LRRC37A2: variants seen among roughly 807,000 people sequenced by gnomAD.
The protein encoded by LRRC37A2 is leucine rich repeat containing 37 member A2, also known as leucine-rich repeat-containing protein 37A2.
LRRC37A2 carries 9 observed loss-of-function variants against 68.8 expected under a neutral mutation model. The ratio of observed to expected loss-of-function variants is 0.13; its 90% CI spans 0.08 to 0.23. LRRC37A2 has a LOEUF of 0.23. Ranked by LOEUF, LRRC37A2 falls within the 10% of genes least tolerant of loss-of-function variation. The probability of loss-of-function intolerance (pLI) is 1.00; values close to 1 mark genes in which losing one functional copy is unlikely to be tolerated. For missense variants in LRRC37A2, 168 were observed against 950.4 expected, an observed-to-expected ratio of 0.18 and a Z score of 10.82; for synonymous variants, 63 against 367.6, an observed-to-expected ratio of 0.17 and a Z score of 9.48.
the LRRC37A2 span, chr17:46,773,638 C>A: frequency 2.9e-6 from 2 of 679,580 alleles, no homozygotes; most frequent in Non-Finnish European, 4.5e-6. Context: ...CCACCCAGCC[C>A]CTCCCCCCCC....
the LRRC37A2 span, among the ~76,000 whole-genome samples, chr17:46,784,263 C>T: frequency 6.6e-6 from 1 of 152,110 alleles, no homozygotes; most frequent in African/African-American, 2.4e-5. Context: ...GAGATGGTGT[C>T]CACCAAGATG....
the LRRC37A2 span, among the ~76,000 whole-genome samples, chr17:46,720,631 T>C: frequency 6.6e-6 from 1 of 152,220 alleles, no homozygotes; most frequent in African/African-American, 2.4e-5. Flanking sequence ...TTTACGTTTT[T>C]ATATGCTACC....
At chr17:46,512,888 C>T in exon 2 of LRRC37A2, 1 of 803,170 alleles carries the variant, frequency 1.2e-6, no homozygotes, top group Non-Finnish European at 1.9e-6. Flanking sequence ...CCGCCTGACT[C>T]CTGGTCTTCC....
At chr17:46,832,988 T>G in the LRRC37A2 span, 1 of 208,174 alleles carries the variant, frequency 4.8e-6, no homozygotes, top group Non-Finnish European at 9.8e-6. Flanking sequence ...ACGGATGCCA[T>G]GGTGGGAACA....
At chr17:46,918,259 T>C in the LRRC37A2 span, among the ~76,000 whole-genome samples, 1 of 152,188 alleles carries the variant, frequency 6.6e-6, no homozygotes, top group Non-Finnish European at 1.5e-5. Flanking sequence ...TTTGTATTTT[T>C]AGTAGAGAAG....
At chr17:46,776,824 C>T in the LRRC37A2 span, among the ~76,000 whole-genome samples, 2 of 152,172 alleles carry the variant, frequency 1.3e-5, no homozygotes, top group Non-Finnish European at 2.9e-5. Context: ...ACCACTGGAG[C>T]GGAGAGCTGA....
chr17:46,845,860 C>T, the LRRC37A2 span, among the ~76,000 whole-genome samples: 2 of 142,574 alleles, frequency 1.4e-5, no homozygotes, highest in Admixed American at 1.5e-4. Context: ...GTGTGGTCTC[C>T]TTTCACTGCA....
the LRRC37A2 span, among the ~76,000 whole-genome samples, chr17:46,816,119 A>ACACACACACACATGCACG: frequency 6.6e-6 from 1 of 150,552 alleles, no homozygotes; most frequent in East Asian, 2.0e-4. Context: ...ACGTACACAC[A>ACACACACACACATGCACG]CACACACACA....
At chr17:46,800,828 G>A in the LRRC37A2 span, among the ~76,000 whole-genome samples, 34 of 152,278 alleles carry the variant, frequency 2.2e-4, no homozygotes, top group African/African-American at 7.9e-4. Flanking sequence ...GTGCTCAGAA[G>A]GGCCTTTGCT....
At chr17:46,497,860 C>G in the LRRC37A2 span, among the ~76,000 whole-genome samples, 5 of 149,044 alleles carry the variant, frequency 3.4e-5, no homozygotes, top group Admixed American at 6.6e-5. Context: ...ATCCCTCTTA[C>G]ATGTGATAGT....
chr17:46,903,400 C>T, the LRRC37A2 span, among the ~76,000 whole-genome samples: 1 of 152,148 alleles, frequency 6.6e-6, no homozygotes, highest in African/African-American at 2.4e-5. Context: ...CTGGCAGGCA[C>T]TTGGAGGGAG....
chr17:46,849,191 A>G, the LRRC37A2 span, among the ~76,000 whole-genome samples: 2 of 152,282 alleles, frequency 1.3e-5, no homozygotes, highest in Admixed American at 6.5e-5. Flanking sequence ...ATCCATCTAA[A>G]TATTTTCCTC....
At chr17:46,553,099 G>A (rs1207282492) in intron 11 of LRRC37A2, 1 of 356,686 alleles carries the variant, frequency 2.8e-6, no homozygotes, top group Non-Finnish European at 3.7e-6. Flanking sequence ...AGTAAATAAA[G>A]TATAGGGGGG....
At chr17:46,793,213 G>T in the LRRC37A2 span, among the ~76,000 whole-genome samples, 2 of 141,222 alleles carry the variant, frequency 1.4e-5, no homozygotes, top group Non-Finnish European at 3.0e-5. Flanking sequence ...GGTCAAGGCT[G>T]CAGTGAGCCA....
At chr17:46,721,756 G>T in the LRRC37A2 span, 2 of 1,602,792 alleles carry the variant, frequency 1.2e-6, no homozygotes, top group East Asian at 2.2e-5. Context: ...CCACAATTTC[G>T]CTTGGGAAGA....
the LRRC37A2 span, among the ~76,000 whole-genome samples, chr17:46,497,908 C>CA: frequency 2.0e-5 from 3 of 150,210 alleles, no homozygotes; most frequent in Non-Finnish European, 4.4e-5. Flanking sequence ...CCCTAATTAT[C>CA]AGTTGACTCA....
the LRRC37A2 span, among the ~76,000 whole-genome samples, chr17:47,014,039 G>C: frequency 6.6e-6 from 1 of 152,064 alleles, no homozygotes; most frequent in Admixed American, 6.6e-5. Flanking sequence ...GTTGCAGTGA[G>C]CCCAGATCAT....
the LRRC37A2 span, among the ~76,000 whole-genome samples, chr17:46,675,628 C>T: frequency 7.4e-6 from 1 of 135,432 alleles, no homozygotes; most frequent in Non-Finnish European, 1.5e-5. Flanking sequence ...AGAGATTTAT[C>T]ATAAGGAAAA....
the LRRC37A2 span, chr17:46,768,320 C>T: frequency 6.2e-7 from 1 of 1,613,576 alleles, no homozygotes; most frequent in South Asian, 1.1e-5. The surrounding 1 kb of genome is among the most constrained non-coding windows in gnomAD (Gnocchi z 5.0). Flanking sequence ...ACCTGGTGCC[C>T]TACTTGCAGG....
Sources: allele counts gnomAD v4.1 joint callset (sites outside exome capture counted in the v4.1 genomes callset), GRCh38; gene constraint gnomAD v4.1.1; non-coding constraint Gnocchi (gnomAD v3.1); transcripts MANE v1.5; gene names NCBI Gene and HGNC (gene_info 2026-07-23, HGNC 2026-07-21).